The following SLMAP variants were observed in gnomAD, a reference collection of about 807,000 sequenced individuals.
SLMAP encodes the protein sarcolemma associated protein, also known as sarcolemmal membrane-associated protein.
In SLMAP, 44 loss-of-function variants were observed where a neutral mutation model predicts 128.8. The observed-to-expected ratio is 0.34, with a 90% CI of 0.27 to 0.44. SLMAP has a LOEUF of 0.44. SLMAP is among the 20% of genes least tolerant of loss of function. The probability of loss-of-function intolerance (pLI) is 1.00; values close to 1 mark genes in which losing one functional copy is unlikely to be tolerated. For missense variants in SLMAP, 787 were observed against 985.3 expected, an observed-to-expected ratio of 0.80 and a Z score of 2.69; for synonymous variants, 327 against 348.8, an observed-to-expected ratio of 0.94 and a Z score of 0.70.
At chr3:57,845,844 C>G (rs575909756) in intron 4 of SLMAP, among the ~76,000 whole-genome samples, 6 of 151,810 alleles carry the variant, frequency 4.0e-5, no homozygotes, top group Admixed American at 1.3e-4. Flanking sequence ...ATCTCCCCCC[C>G]ACCTTTTTTT....
chr3:57,809,802 G>C (rs981702192), intron 2 of SLMAP, among the ~76,000 whole-genome samples: 1 of 152,204 alleles, frequency 6.6e-6, no homozygotes, highest in Non-Finnish European at 1.5e-5. Flanking sequence ...GTAGAGAGGA[G>C]CTATCCACTT....
intron 17 of SLMAP, among the ~76,000 whole-genome samples, chr3:57,907,610 ACTGT>A (rs1171901353): frequency 7.9e-5 from 12 of 152,296 alleles, no homozygotes; most frequent in African/African-American, 9.6e-5. Context: ...ATAATCTGTC[ACTGT>A]CTGTTTATTT....
At chr3:57,807,164 C>A (rs1324103884) in intron 2 of SLMAP, among the ~76,000 whole-genome samples, 1 of 152,206 alleles carries the variant, frequency 6.6e-6, no homozygotes, top group Non-Finnish European at 1.5e-5. Context: ...TAAATGTCTT[C>A]TTTTGAGAAG....
intron 17 of SLMAP, chr3:57,897,229 C>T: frequency 1.6e-6 from 1 of 616,572 alleles, no homozygotes; most frequent in East Asian, 3.5e-5. Context: ...TTTATTAGCG[C>T]TTTTAACATA....
At chr3:57,821,990 T>A (rs573522824) in intron 2 of SLMAP, among the ~76,000 whole-genome samples, 5 of 152,154 alleles carry the variant, frequency 3.3e-5, no homozygotes, top group South Asian at 2.1e-4. Flanking sequence ...CATAAATGCT[T>A]CCTTAGCAAC....
chr3:57,851,524 G>C (rs184709514), intron 6 of SLMAP, among the ~76,000 whole-genome samples: 3 of 151,300 alleles, frequency 2.0e-5, no homozygotes, highest in Non-Finnish European at 2.9e-5. Flanking sequence ...CCACGCTGGA[G>C]TGCACTGGCG....
intron 3 of SLMAP, among the ~76,000 whole-genome samples, chr3:57,833,165 G>A (rs1193394993): frequency 1.3e-5 from 2 of 152,190 alleles, no homozygotes; most frequent in Non-Finnish European, 2.9e-5. Flanking sequence ...AAAAGGATGA[G>A]GTAATGAAAT....
Position 57,849,778 on chromosome 3 carries a change from T to C in SLMAP, c.481T>C (p.Tyr161His). ...GGTTGCTGCTAACACTCCAAGTATG[T>C]ACTCTCAGGAACTATTCCAGCTTTC... ...DKVAANTPSM[Y>H]SQELFQLSQY... Residue 161 changes from tyrosine to histidine, a missense_variant, in exon 6 of 25, where the codon TAC (tyrosine) becomes CAC (histidine). Around this residue, in one of 2 missense-constraint regions of SLMAP, gnomAD observed 715 missense variants for 843.6 expected, o/e 0.85. Coordinates refer to ENST00000671191, the MANE Select transcript of SLMAP (RefSeq NM_001377540.1). 6.3e-7 allele frequency: 1 copy of C among 1,577,336 alleles called. No individual in the cohort carries two copies.
intron 10 of SLMAP, among the ~76,000 whole-genome samples, chr3:57,863,122 G>A (rs1191202605): frequency 6.6e-6 from 1 of 152,202 alleles, no homozygotes; most frequent in Non-Finnish European, 1.5e-5. Context: ...CAAGCCCAGA[G>A]AGAATCTGGG....
intron 6 of SLMAP, among the ~76,000 whole-genome samples, chr3:57,853,961 A>ATT (rs1460391122): frequency 1.7e-4 from 11 of 66,092 alleles, no homozygotes; most frequent in Admixed American, 1.4e-3. Context: ...AAAATTATAT[A>ATT]TATATATATA....
At chr3:57,908,574 T>C (rs946805609) in intron 18 of SLMAP, among the ~76,000 whole-genome samples, 2 of 152,196 alleles carry the variant, frequency 1.3e-5, no homozygotes, top group African/African-American at 2.4e-5. Context: ...ACTAGGAACT[T>C]CTTGTTACTA....
chr3:57,872,671 A>G (rs971276636), intron 14 of SLMAP, among the ~76,000 whole-genome samples: 1 of 152,184 alleles, frequency 6.6e-6, no homozygotes, highest in African/African-American at 2.4e-5. Context: ...AGTGATTTAG[A>G]CCTCTGCTGA....
At chr3:57,905,590 A>G (rs1434108015) in intron 17 of SLMAP, among the ~76,000 whole-genome samples, 1 of 152,126 alleles carries the variant, frequency 6.6e-6, no homozygotes, top group East Asian at 1.9e-4. Flanking sequence ...CCAGGGGATT[A>G]ATTCTATCTT....
rs554006130 is a variant in SLMAP at position 57,853,896 on chromosome 3, A to G, written c.520-3837A>G. On this transcript the variant is annotated intron_variant, in intron 6 of 24. Transcript: ENST00000671191. ...GCGGAGGCTGCGGTGAGCCGAGATC[A>G]TGCCACTGCACTCCAGCCTGGACAA... is the stretch of plus-strand genomic sequence containing the variant. Among the ~76,000 whole-genome samples the G allele has an allele frequency of 2.8e-5, 4 of 140,466 alleles. No homozygotes were observed. The East Asian group carries it at 8.5e-4, about 30-fold the overall frequency. 92.2% of individuals were successfully genotyped at this position (140,466 alleles called of 152,430 possible). A position where few individuals can be genotyped will look rare whatever the true frequency, so the allele number is the denominator to read the frequency against.
chr3:57,828,697 C>G (rs912361443), intron 2 of SLMAP, among the ~76,000 whole-genome samples: 3 of 152,036 alleles, frequency 2.0e-5, no homozygotes, highest in Non-Finnish European at 4.4e-5. Flanking sequence ...TCAAGCTAAA[C>G]GGAGGCCAAA....
Position 57,912,600 on chromosome 3 carries a change from C to T in SLMAP, c.1919C>T (p.Ala640Val), listed in dbSNP as rs762174645. 17 of 1,613,864 alleles carry T rather than the reference C, an allele frequency of 1.1e-5. No homozygotes were observed. The highest frequency in any genetic ancestry group is 2.7e-5 in the African/African-American group (2 of 74,904). ...GAGCTTGAGCGGTGGCGGAAAGCAG[C>T]GTCTGAATATGAGAAAGAAATCACA... ...RAELERWRKA[A>V]SEYEKEITSL... is the part of the protein sequence containing the mutation. The change falls in exon 20 of 25, where the codon GCG (alanine) becomes GTG (valine). Residue 640 changes from alanine to valine, a missense_variant. Ala to Val is a moderately conservative substitution (Grantham distance 64, BLOSUM62 0). This residue lies in a region of SLMAP where 715 missense variants were observed against 843.6 expected (regional missense o/e 0.85). Transcript: ENST00000671191.
In SLMAP at chr3:57,831,436, A is replaced by G. The variant is rs767657285; in HGVS notation, c.252A>G (p.Arg84=). 2 of 1,593,286 alleles carry G rather than the reference A, an allele frequency of 1.3e-6. No homozygotes were observed. Among genetic ancestry groups the G allele is most frequent in the African/African-American group, 2.7e-5 (2 of 74,054 alleles). The change falls in exon 3 of 25, where the codon AGA becomes AGG. Residue 84 remains arginine, a synonymous_variant. Coordinates refer to ENST00000671191, the MANE Select transcript of SLMAP (RefSeq NM_001377540.1). ...SSNGTFINSQ[R]LSRGSEESPP... is the part of the protein sequence containing the mutation. ...ATGGTACTTTTATAAATAGCCAGAG[A>G]TTGAGTCGAGGCTCTGAAGAAAGTC...
chr3:57,831,525 G>A lies in SLMAP; in HGVS notation c.341G>A (p.Arg114Gln), dbSNP rs749857990. The change falls in exon 3 of 25, where the codon CGG (arginine) becomes CAG (glutamine). Residue 114 changes from arginine to glutamine, a missense_variant. By Grantham distance (43) the Arg-to-Gln change is conservative. Around this residue, in one of 2 missense-constraint regions of SLMAP, gnomAD observed 715 missense variants for 843.6 expected, o/e 0.85. Transcript: ENST00000671191. Reference sequence around the variant, plus strand: ...GGAGTAGACGTGACAGAGAATACACGGAAAGGTACGGGTATGGATCACTTT... The same window carrying A: ...GGAGTAGACGTGACAGAGAATACACAGAAAGGTACGGGTATGGATCACTTT... ...QFGVDVTENT[R>Q]KVTHGCIVST... 1.2e-5 allele frequency: 19 copies of A among 1,545,788 alleles called. No individual in the cohort carries two copies. Among genetic ancestry groups the A allele is most frequent in the Non-Finnish European group, 1.5e-5 (17 of 1,145,838 alleles).
intron 20 of SLMAP, 63 bp downstream of exon 20, chr3:57,912,764 T>A: frequency 7.7e-7 from 1 of 1,302,844 alleles, no homozygotes; most frequent in Non-Finnish European, 1.0e-6. Flanking sequence ...TTAACTTGTT[T>A]AAAAAAGAAA....
Sources: allele counts gnomAD v4.1 joint callset (sites outside exome capture counted in the v4.1 genomes callset), GRCh38; gene constraint gnomAD v4.1.1; regional missense constraint gnomAD v4.1.1; transcripts MANE v1.5; gene names NCBI Gene and HGNC (gene_info 2026-07-23, HGNC 2026-07-21).